Variants in RPTOR observed in about 807,000 individuals in gnomAD.
The protein encoded by RPTOR is regulatory-associated protein of mTOR.
In RPTOR, 21 loss-of-function variants were observed where a neutral mutation model predicts 169.9. The observed-to-expected ratio is 0.12, with a 90% CI of 0.09 to 0.18. The LOEUF is 0.18. Ranked by LOEUF, RPTOR falls within the 10% of genes least tolerant of loss-of-function variation. The pLI is 1.00. For missense variants in RPTOR, 1,133 were observed against 1,855.9 expected, an observed-to-expected ratio of 0.61 and a Z score of 7.16; for synonymous variants, 732 against 753.2, an observed-to-expected ratio of 0.97 and a Z score of 0.46.
At chr17:80,713,280 A>G (rs1372724564) in intron 4 of RPTOR, among the ~76,000 whole-genome samples, 1 of 152,120 alleles carries the variant, frequency 6.6e-6, no homozygotes, top group East Asian at 1.9e-4. Context: ...TTCTGACCTC[A>G]AGTGATCCAC....
chr17:80,631,825 G>A (rs890629164), intron 2 of RPTOR, among the ~76,000 whole-genome samples: 11 of 152,162 alleles, frequency 7.2e-5, no homozygotes, highest in Admixed American at 7.2e-4. Flanking sequence ...TGTAGTCCCA[G>A]CTACTCTGGA....
intron 1 of RPTOR, among the ~76,000 whole-genome samples, chr17:80,589,649 A>G (rs2065089209): frequency 6.6e-6 from 1 of 152,062 alleles, no homozygotes; most frequent in Admixed American, 6.5e-5. Context: ...CTTTTGTTAG[A>G]TATATTCCCA....
At chr17:80,912,677 C>T (rs1320006758) in intron 21 of RPTOR, among the ~76,000 whole-genome samples, 2 of 152,160 alleles carry the variant, frequency 1.3e-5, no homozygotes, top group African/African-American at 4.8e-5. Flanking sequence ...TTGTGTGTGA[C>T]ATGTAGTGTA....
intron 5 of RPTOR, among the ~76,000 whole-genome samples, chr17:80,752,395 G>A (rs2629393): frequency 6.6e-6 from 1 of 152,366 alleles, no homozygotes; most frequent in East Asian, 1.9e-4. Flanking sequence ...CTTGTGCGCA[G>A]CTGCTGTGCC....
chr17:80,939,292 AGTG>A (rs1358248919), intron 24 of RPTOR, among the ~76,000 whole-genome samples: 2 of 152,174 alleles, frequency 1.3e-5, no homozygotes, highest in Non-Finnish European at 2.9e-5. Flanking sequence ...GTATTTGCCA[AGTG>A]TGGACCTCTC....
intron 6 of RPTOR, among the ~76,000 whole-genome samples, chr17:80,788,242 G>T (rs936576011): frequency 4.6e-5 from 7 of 152,164 alleles, no homozygotes; most frequent in African/African-American, 1.7e-4. Flanking sequence ...GGAGGCTGAG[G>T]TGGGTGGATC....
chr17:80,930,335 A>AGCTCATCCCCT (rs2068870832), intron 24 of RPTOR, among the ~76,000 whole-genome samples: 1 of 133,904 alleles, frequency 7.5e-6, no homozygotes. Flanking sequence ...GCTCATCCTC[A>AGCTCATCCCCT]GCTCATCCTC....
At chr17:80,763,992 GA>G (rs1371727848) in intron 6 of RPTOR, among the ~76,000 whole-genome samples, 1 of 151,966 alleles carries the variant, frequency 6.6e-6, no homozygotes, top group African/African-American at 2.4e-5. Context: ...CCTGAACAGG[GA>G]AAATTGACTT....
Position 80,659,918 on chromosome 17 carries a change from G to A in RPTOR, c.348+16108G>A, listed in dbSNP as rs1344024242. Among the ~76,000 whole-genome samples, 2 of 152,150 alleles carry A rather than the reference G, an allele frequency of 1.3e-5. No homozygotes were observed. The highest frequency in any genetic ancestry group is 1.9e-4 in the East Asian group (1 of 5,194). On this transcript the variant is annotated intron_variant, in intron 3 of 33. Coordinates refer to ENST00000306801, the MANE Select transcript of RPTOR (RefSeq NM_020761.3). The surrounding 1 kb of genome is among the most constrained non-coding windows in gnomAD (Gnocchi z 4.3). ...CTGCCTTGGCCTCCCAAAGTGCTGG[G>A]ATTTGAGCATGAACCACCGTGCCTG... is the stretch of plus-strand genomic sequence containing the variant.
intron 20 of RPTOR, among the ~76,000 whole-genome samples, chr17:80,899,152 C>T (rs950991987): frequency 2.0e-5 from 3 of 152,166 alleles, no homozygotes; most frequent in Non-Finnish European, 2.9e-5. Context: ...TTTGGCTGTC[C>T]ACTAAAATAT....
intron 3 of RPTOR, among the ~76,000 whole-genome samples, chr17:80,705,232 C>T (rs564292300): frequency 6.6e-6 from 1 of 152,392 alleles, no homozygotes; most frequent in South Asian, 2.1e-4. Flanking sequence ...AGCTCTCTCT[C>T]AAGTCTCCTT....
chr17:80,830,696 TGC>T (rs1306161205), intron 9 of RPTOR, among the ~76,000 whole-genome samples: 5 of 151,978 alleles, frequency 3.3e-5, no homozygotes, highest in African/African-American at 1.2e-4. Flanking sequence ...AGATCGCAGG[TGC>T]ACTGCTCCTC....
intron 5 of RPTOR, chr17:80,743,225 T>C: frequency 1.0e-6 from 1 of 983,730 alleles, no homozygotes; most frequent in Non-Finnish European, 1.2e-6. Flanking sequence ...CTCTTATGAC[T>C]CAGTTCATTA....
At chr17:80,889,908 TGTGCGGCCTCCGAGGGAGGCCCCCGTAC>T (rs2068297430) in intron 17 of RPTOR, among the ~76,000 whole-genome samples, 25 of 114,344 alleles carry the variant, frequency 2.2e-4, no homozygotes, top group Admixed American at 6.8e-4. Context: ...CGCAGCAGGA[TGTGCGGCCTCCGAGGGAGGCCCCCGTAC>T]GCAGCAGGAT....
At chr17:80,559,941 G>A (rs1232187307) in intron 1 of RPTOR, among the ~76,000 whole-genome samples, 1 of 152,214 alleles carries the variant, frequency 6.6e-6, no homozygotes, top group Admixed American at 6.5e-5. Context: ...GGCTCATGCT[G>A]TCTAGAAATG....
intron 6 of RPTOR, among the ~76,000 whole-genome samples, chr17:80,779,383 G>A (rs756082400): frequency 4.6e-5 from 7 of 152,328 alleles, no homozygotes; most frequent in South Asian, 2.1e-4. Context: ...TGGCGCCTCC[G>A]TGGCTTTCTG....
chr17:80,688,779 T>G (rs2065968135), intron 3 of RPTOR, among the ~76,000 whole-genome samples: 1 of 152,250 alleles, frequency 6.6e-6, no homozygotes, highest in South Asian at 2.1e-4. Flanking sequence ...TAGATGTATC[T>G]CTAGGGCAGT....
intron 13 of RPTOR, among the ~76,000 whole-genome samples, chr17:80,859,815 C>G (rs2067897353): frequency 6.6e-6 from 1 of 152,222 alleles, no homozygotes; most frequent in African/African-American, 2.4e-5. Flanking sequence ...CTCTTAATTC[C>G]TAAGTCCCCT....
chr17:80,545,578 G>C lies in RPTOR; in HGVS notation c.-52G>C. 7.1e-7 allele frequency: 1 copy of C among 1,415,588 alleles called. No individual in the cohort carries two copies. Among genetic ancestry groups the C allele is most frequent in the Non-Finnish European group, 9.7e-7 (1 of 1,029,632 alleles). The allele number at this position is 1,415,588 out of a possible 1,614,324, so 87.7% of individuals were successfully genotyped here. On this transcript the variant is annotated 5_prime_UTR_variant, in exon 1 of 34. Coordinates refer to ENST00000306801, the MANE Select transcript of RPTOR (RefSeq NM_020761.3). The stretch of plus-strand genomic sequence containing the variant: ...CTGGTACACGCTAGTTTTTAAGGCT[G>C]GAGGTTCTCGAGCGCTTGCTGCCAA...
Sources: gnomAD v4.1 joint callset for allele counts (sites outside exome capture counted in the v4.1 genomes callset) on GRCh38, gnomAD v4.1.1 for gene constraint, Gnocchi (gnomAD v3.1) non-coding constraint, MANE v1.5 for transcripts, NCBI Gene and HGNC (gene_info 2026-07-23, HGNC 2026-07-21) for gene names.